The following PPP3CA variants were observed in gnomAD, a reference collection of about 807,000 sequenced individuals.
PPP3CA encodes the protein CAM-PRP catalytic subunit.
PPP3CA carries 14 observed loss-of-function variants against 66.5 expected under a neutral mutation model. That is an observed-to-expected ratio of 0.21 (90% CI 0.14 to 0.33). The LOEUF is 0.33. Among genes scored for constraint, PPP3CA ranks in the 10% least tolerant of loss-of-function variants. The probability of loss-of-function intolerance (pLI) is 1.00; values close to 1 mark genes in which losing one functional copy is unlikely to be tolerated. For synonymous variants in PPP3CA, 232 were observed against 226.2 expected (o/e 1.03, Z -0.23); for missense variants, 317 against 639.5 (o/e 0.50, Z 5.44).
At chr4:101,172,991 C>T (rs1010910207) in intron 2 of PPP3CA, among the ~76,000 whole-genome samples, 1 of 152,286 alleles carries the variant, frequency 6.6e-6, no homozygotes, top group Non-Finnish European at 1.5e-5. Context: ...TTAAATCCAG[C>T]ATTCCCAGAT....
chr4:101,278,136 A>AAAAAAAAAAAAAT, intron 1 of PPP3CA, among the ~76,000 whole-genome samples: 1 of 145,916 alleles, frequency 6.9e-6, no homozygotes, highest in African/African-American at 2.7e-5. Context: ...AAAAAAAAAA[A>AAAAAAAAAAAAAT]AAATAAAAAA....
chr4:101,104,092 T>G (rs937894693), intron 3 of PPP3CA, among the ~76,000 whole-genome samples: 2 of 152,148 alleles, frequency 1.3e-5, no homozygotes, highest in Non-Finnish European at 2.9e-5. Flanking sequence ...CATTACCTAG[T>G]GCTTATAAAT....
At chr4:101,083,304 A>G (rs1231932466) in intron 6 of PPP3CA, 41 bp from the exon 7 acceptor site, 27 of 1,531,934 alleles carry the variant, frequency 1.8e-5, no homozygotes, top group Non-Finnish European at 2.4e-5. Context: ...CTGTTAGGAA[A>G]TCATCAGGAG....
Position 101,040,583 on chromosome 4 carries a change from A to G in PPP3CA, c.1157-17T>C, listed in dbSNP as rs1473758548. On this transcript the variant is annotated splice_polypyrimidine_tract_variant and intron_variant, in intron 10 of 13. Coordinates refer to ENST00000394854, the MANE Select transcript of PPP3CA (RefSeq NM_000944.5). ...CTGTTGCACCTGTATTTTCAAACAG[A>G]GTTCAGTGGTCAGTAATTTTTTATC... 12 of 1,593,874 alleles carry G rather than the reference A, an allele frequency of 7.5e-6. No individual in the cohort carries two copies. The highest frequency in any genetic ancestry group is 9.4e-6 in the Non-Finnish European group (11 of 1,167,040).
intron 2 of PPP3CA, among the ~76,000 whole-genome samples, chr4:101,166,306 C>T (rs995202572): frequency 2.0e-5 from 3 of 152,108 alleles, no homozygotes; most frequent in Admixed American, 6.5e-5. Flanking sequence ...AACCCATTTT[C>T]GTGCCAAAAT....
chr4:101,210,939 G>A (rs530840049), intron 1 of PPP3CA, among the ~76,000 whole-genome samples: 2 of 152,214 alleles, frequency 1.3e-5, no homozygotes, highest in African/African-American at 4.8e-5. Context: ...GAGAGTAAGA[G>A]TAGTAATTAT....
intron 3 of PPP3CA, among the ~76,000 whole-genome samples, chr4:101,106,453 G>GAAAGAAAGAAAGAAAGAAGAGAAGAGAAA (rs775018059): frequency 5.6e-5 from 2 of 35,512 alleles, no homozygotes; most frequent in Non-Finnish European, 1.1e-4. Flanking sequence ...AAGAAAGAAA[G>GAAAGAAAGAAAGAAAGAAGAGAAGAGAAA]AGAAAAGAAA....
chr4:101,117,706 A>G (rs1055278536), intron 2 of PPP3CA, among the ~76,000 whole-genome samples: 2 of 151,770 alleles, frequency 1.3e-5, no homozygotes, highest in African/African-American at 4.8e-5. Context: ...GTAAGTATGT[A>G]TAACATTTAT....
chr4:101,085,424 A>G (rs994397120), intron 6 of PPP3CA, among the ~76,000 whole-genome samples: 7 of 152,182 alleles, frequency 4.6e-5, no homozygotes, highest in African/African-American at 1.7e-4. Flanking sequence ...TGATACCCTT[A>G]TGTGTTTAAG....
chr4:101,094,155 A>C (rs1211925700), intron 5 of PPP3CA, among the ~76,000 whole-genome samples: 1 of 151,766 alleles, frequency 6.6e-6, no homozygotes. Context: ...ATCTATCTTC[A>C]TCTAACCCTT....
intron 7 of PPP3CA, 42 bp from the exon 8 acceptor site, chr4:101,080,668 A>G: frequency 1.7e-6 from 2 of 1,195,126 alleles, no homozygotes; most frequent in Non-Finnish European, 2.3e-6. Context: ...TTGTATGGAA[A>G]AAAGATAATA....
At chr4:101,042,115 G>A (rs1727549768) in intron 10 of PPP3CA, among the ~76,000 whole-genome samples, 1 of 149,808 alleles carries the variant, frequency 6.7e-6, no homozygotes, top group South Asian at 2.1e-4. Context: ...ACATTTCCAT[G>A]AGAAAGAAAA....
chr4:101,057,020 T>C (rs990772643), intron 10 of PPP3CA, among the ~76,000 whole-genome samples: 1 of 152,080 alleles, frequency 6.6e-6, no homozygotes, highest in Non-Finnish European at 1.5e-5. Context: ...GGACTCCTGA[T>C]TGCTTATACT....
intron 1 of PPP3CA, among the ~76,000 whole-genome samples, chr4:101,296,441 T>C (rs1728202007): frequency 6.6e-6 from 1 of 152,152 alleles, no homozygotes; most frequent in Admixed American, 6.5e-5. Flanking sequence ...CCTTAACAGA[T>C]GCATGAGAAA....
chr4:101,201,042 A>C (rs1324329101), intron 1 of PPP3CA, among the ~76,000 whole-genome samples: 2 of 152,244 alleles, frequency 1.3e-5, no homozygotes, highest in African/African-American at 4.8e-5. Flanking sequence ...TTAAAAAGTT[A>C]AATATAACAT....
intron 1 of PPP3CA, among the ~76,000 whole-genome samples, chr4:101,273,493 A>G (rs1366417470): frequency 6.6e-6 from 1 of 152,224 alleles, no homozygotes; most frequent in Non-Finnish European, 1.5e-5. Context: ...TGCTCAGCTA[A>G]TTTTTGTACT....
chr4:101,335,877 C>T (rs1729613856), intron 1 of PPP3CA, among the ~76,000 whole-genome samples: 3 of 152,138 alleles, frequency 2.0e-5, no homozygotes, highest in South Asian at 4.1e-4. Context: ...ATAGACTGAC[C>T]TGGATTTAAA....
chr4:101,086,786 T>C (rs1195069357), intron 6 of PPP3CA, among the ~76,000 whole-genome samples: 3 of 152,248 alleles, frequency 2.0e-5, no homozygotes, highest in Non-Finnish European at 2.9e-5. Context: ...GCTCCAGCAA[T>C]AGTGAATGCC....
intron 1 of PPP3CA, among the ~76,000 whole-genome samples, chr4:101,201,248 A>T (rs562131123): frequency 5.4e-4 from 83 of 152,332 alleles, no homozygotes; most frequent in Non-Finnish European, 9.7e-4. Context: ...CTTCTAAGTA[A>T]ATGAGAACAA....
Sources: allele counts gnomAD v4.1 joint callset (sites outside exome capture counted in the v4.1 genomes callset), GRCh38; gene constraint gnomAD v4.1.1; transcripts MANE v1.5; gene names NCBI Gene and HGNC (gene_info 2026-07-23, HGNC 2026-07-21).